Variants in SARS2 observed in about 807,000 individuals in gnomAD.
The protein encoded by SARS2 is serine--tRNA ligase, mitochondrial.
In SARS2, 52 loss-of-function variants were observed where a neutral mutation model predicts 66.8. That is an observed-to-expected ratio of 0.78 (90% CI 0.62 to 0.98). SARS2 has a LOEUF of 0.98. Among genes scored for constraint, SARS2 ranks in the 50% least tolerant of loss-of-function variants. The pLI, the probability that SARS2 is intolerant of heterozygous loss-of-function variation, is 0.00. For missense variants in SARS2, 673 were observed against 706.3 expected, an observed-to-expected ratio of 0.95 and a Z score of 0.53; for synonymous variants, 306 against 281.4, an observed-to-expected ratio of 1.09 and a Z score of -0.87.
Position 38,917,849 on chromosome 19 carries a change from C to T in SARS2, c.1051-16G>A, listed in dbSNP as rs557070072. Reference sequence around the variant, plus strand: ...ACATCTCCACCTGGGACAGAGGGCACAGGAGTCAGGAGGCTCTGAGCTCTT... The same window carrying T: ...ACATCTCCACCTGGGACAGAGGGCATAGGAGTCAGGAGGCTCTGAGCTCTT... On this transcript the variant is annotated splice_polypyrimidine_tract_variant and intron_variant, in intron 11 of 15. Transcript: ENST00000221431. 31 of 1,613,560 alleles carry T rather than the reference C, an allele frequency of 1.9e-5. No homozygotes were observed. In the Middle Eastern group the frequency reaches 6.6e-4, roughly 34 times the overall value.
At chr19:38,930,443 C>A (rs758611717) in intron 1 of SARS2, 27 bp downstream of exon 1, 2 of 1,577,026 alleles carry the variant, frequency 1.3e-6, no homozygotes, top group Non-Finnish European at 1.7e-6. Flanking sequence ...AACGTCTGCG[C>A]CCCCCGGCCG....
chr19:38,924,151 A>G lies in SARS2; in HGVS notation c.364-1884T>C, dbSNP rs943080599. ...TGTCTCAAAAAAAAAAAAGAAGAAA[A>G]TGGACTAATATACCCTGTCTGTAGA... On this transcript the variant is annotated intron_variant, in intron 2 of 15. Transcript: ENST00000221431. 4.6e-5 allele frequency among the ~76,000 whole-genome samples: 7 copies of G among 152,144 alleles called. No individual in the cohort carries two copies. The East Asian group carries it at 1.2e-3, about 25-fold the overall frequency.
At chr19:38,920,872 TAG>T (rs1428659755) in intron 5 of SARS2, among the ~76,000 whole-genome samples, 1 of 136,246 alleles carries the variant, frequency 7.3e-6, no homozygotes, top group Non-Finnish European at 1.6e-5. Context: ...CACAGATACA[TAG>T]ACACACACAG....
chr19:38,928,892 G>A (rs949041245), intron 1 of SARS2, among the ~76,000 whole-genome samples: 1 of 152,130 alleles, frequency 6.6e-6, no homozygotes, highest in Admixed American at 6.5e-5. Context: ...ACCAGAAATT[G>A]TAATTAGTAT....
In SARS2 at chr19:38,918,749, G is replaced by C; in HGVS notation, c.807+17C>G. The C allele has an allele frequency of 6.4e-7, 1 of 1,556,882 alleles. No individual in the cohort carries two copies. Among genetic ancestry groups the C allele is most frequent in the Non-Finnish European group, 8.7e-7 (1 of 1,149,618 alleles). Reference sequence around the variant, plus strand: ...TGACACCCAGGTGGGCGAGGGAAGCGGAGAGGCCTCACTCACAAACACTGC... The same window carrying C: ...TGACACCCAGGTGGGCGAGGGAAGCCGAGAGGCCTCACTCACAAACACTGC... On this transcript the variant is annotated intron_variant, in intron 8 of 15. Transcript: ENST00000221431.
chr19:38,922,323 G>T, intron 2 of SARS2, 56 bp from the exon 3 acceptor site: 2 of 1,565,740 alleles, frequency 1.3e-6, no homozygotes, highest in South Asian at 2.2e-5. Context: ...GGGTGGGGAA[G>T]AGAAAAAATG....
At chr19:38,917,486 G>A (rs951134774) in intron 12 of SARS2, among the ~76,000 whole-genome samples, 7 of 152,194 alleles carry the variant, frequency 4.6e-5, no homozygotes, top group Non-Finnish European at 1.0e-4. Context: ...AAAGGGGCCC[G>A]GGTCTCCACT....
At position 38,916,516 on chromosome 19, in the gene SARS2, G is replaced by A. The variant is rs73930229; in HGVS notation, c.1161-202C>T. The stretch of plus-strand genomic sequence containing the variant: ...GGAGACGATAGTGCCAAAGGAGAGA[G>A]TTGTGAGGCCAGGGGTGGTTATGGA... On this transcript the variant is annotated intron_variant, in intron 12 of 15. Coordinates refer to ENST00000221431, the MANE Select transcript of SARS2 (RefSeq NM_017827.4). 0.054 allele frequency among the ~76,000 whole-genome samples: 8,225 copies of A among 152,192 alleles called. 710 individuals are homozygous for A. The highest frequency in any genetic ancestry group is 0.18 in the African/African-American group (7,620 of 41,488).
intron 12 of SARS2, among the ~76,000 whole-genome samples, chr19:38,916,679 T>C (rs1974424909): frequency 6.6e-6 from 1 of 151,058 alleles, no homozygotes; most frequent in Non-Finnish European, 1.5e-5. Flanking sequence ...TTTTTTTTTT[T>C]TGAGACGGAG....
chr19:38,916,685 C>T (rs1308373300), intron 12 of SARS2, among the ~76,000 whole-genome samples: 5 of 133,016 alleles, frequency 3.8e-5, no homozygotes, highest in African/African-American at 1.2e-4. Context: ...TTTTTTGAGA[C>T]GGAGTCTGGC....
rs1467773864 is a variant in SARS2, at chr19:38,926,318, G to A, written c.268-18C>T. 1.2e-6 allele frequency: 2 copies of A among 1,600,564 alleles called. No individual in the cohort carries two copies. Among genetic ancestry groups the A allele is most frequent in the South Asian group, 2.2e-5 (2 of 91,032 alleles). On this transcript the variant is annotated intron_variant, in intron 1 of 15. Coordinates refer to ENST00000221431, the MANE Select transcript of SARS2 (RefSeq NM_017827.4). ...GTCGAGATCTGGGGTGGATATAAGA[G>A]AAAAGGAGATGAAGCAGCCATCACC... is the stretch of plus-strand genomic sequence containing the variant.
rs1458746008 is a variant in SARS2, at chr19:38,917,800, C to T, written c.1084G>A (p.Glu362Lys). Reference sequence around the variant, plus strand: ...TCCTCCAGCAGCTGTGAGCTCTGCTCCAGCCCAGGGCCTGTCACCCCAAAC... The same window carrying T: ...TCCTCCAGCAGCTGTGAGCTCTGCTTCAGCCCAGGGCCTGTCACCCCAAAC... ...EMFGVTGPGL[E>K]QSSQLLEEFL... Residue 362 changes from glutamate to lysine, a missense_variant, in exon 12 of 16, where the codon GAG (glutamate) becomes AAG (lysine). Glu to Lys is a moderately conservative substitution (Grantham distance 56, BLOSUM62 1). Transcript: ENST00000221431. The T allele has an allele frequency of 6.2e-7, 1 of 1,614,118 alleles. No homozygotes were observed. The highest frequency in any genetic ancestry group is 2.2e-5 in the East Asian group (1 of 44,884).
intron 2 of SARS2, among the ~76,000 whole-genome samples, chr19:38,922,580 C>G (rs751462573): frequency 1.3e-5 from 2 of 152,130 alleles, no homozygotes; most frequent in African/African-American, 2.4e-5. Context: ...TCGTGTAAAC[C>G]CTGTGATATG....
At chr19:38,929,380 C>G (rs974243789) in intron 1 of SARS2, among the ~76,000 whole-genome samples, 1 of 151,436 alleles carries the variant, frequency 6.6e-6, no homozygotes, top group Non-Finnish European at 1.5e-5. Context: ...CATAGTATGT[C>G]CCTGTCTCAA....
chr19:38,927,302 A>G (rs1227068396), intron 1 of SARS2, among the ~76,000 whole-genome samples: 1 of 151,942 alleles, frequency 6.6e-6, no homozygotes, highest in Non-Finnish European at 1.5e-5. Context: ...AAAAACAAAA[A>G]AAATTGTTAC....
intron 5 of SARS2, 127 bp downstream of exon 5, chr19:38,921,265 C>T (rs915863540): frequency 2.0e-6 from 2 of 1,002,146 alleles, no homozygotes; most frequent in Admixed American, 4.0e-5. Context: ...GCTGGAGCCA[C>T]CTCCTGTACC....
intron 3 of SARS2, chr19:38,921,933 A>G: frequency 6.6e-7 from 1 of 1,520,918 alleles, no homozygotes; most frequent in South Asian, 1.2e-5. Flanking sequence ...AGCTGAACTC[A>G]TGAGAATCAG....
In SARS2 at chr19:38,916,027, C is replaced by T. The variant is rs376335678; in HGVS notation, c.1347+10G>A. 153 of 1,613,040 alleles carry T rather than the reference C, an allele frequency of 9.5e-5. No homozygotes were observed. Among genetic ancestry groups the T allele is most frequent in the African/African-American group, 4.0e-4 (30 of 75,032 alleles). ...GAGGGCACGCGGGCAGGAGGCTGTGCGGGCCTCACCGTGTGGGCAAACTGC... is the reference window on the plus strand; with the variant it reads ...GAGGGCACGCGGGCAGGAGGCTGTGTGGGCCTCACCGTGTGGGCAAACTGC... On this transcript the variant is annotated intron_variant, in intron 14 of 15. Transcript: ENST00000221431.
chr19:38,924,484 T>C (rs771237821), intron 2 of SARS2, among the ~76,000 whole-genome samples: 18 of 152,288 alleles, frequency 1.2e-4, no homozygotes, highest in Middle Eastern at 6.8e-3. Flanking sequence ...TTGCTTTCAT[T>C]GGTTGTCCAT....
Sources: gnomAD v4.1 joint callset for allele counts (sites outside exome capture counted in the v4.1 genomes callset) on GRCh38, gnomAD v4.1.1 for gene constraint, MANE v1.5 for transcripts, NCBI Gene and HGNC (gene_info 2026-07-23, HGNC 2026-07-21) for gene names.